The following NHEJ1 variants were observed in gnomAD, a reference collection of about 807,000 sequenced individuals.
The protein encoded by NHEJ1 is non-homologous end joining factor 1, also known as non-homologous end-joining factor 1.
A neutral mutation model predicts 39.4 loss-of-function variants in NHEJ1; 22 were observed. The observed-to-expected ratio is 0.56, with a 90% CI of 0.40 to 0.80. The LOEUF (loss-of-function observed/expected upper bound fraction) is 0.80, where lower values mean the gene tolerates loss of function less well. Among genes scored for constraint, NHEJ1 ranks in the 30% least tolerant of loss-of-function variants. The pLI is 0.00. For synonymous variants in NHEJ1, 154 were observed against 135.6 expected, an observed-to-expected ratio of 1.14 and a Z score of -0.94; for missense variants, 329 against 357.1, an observed-to-expected ratio of 0.92 and a Z score of 0.63.
Position 219,077,317 on chromosome 2 carries a change from G to C in NHEJ1, c.754C>G (p.Gln252Glu). 6.2e-7 allele frequency: 1 copy of C among 1,614,056 alleles called. No homozygotes were observed. The stretch of plus-strand genomic sequence containing the variant: ...AGTTGTTCTGGCTGGTTTACACATT[G>C]GCTATCGATTCCTTGCAGGGAAGCA... ...NSASLQGIDS[Q>E]CVNQPEQLVS... is the part of the protein sequence containing the mutation. The change falls in exon 7 of 8, where the codon CAA (glutamine) becomes GAA (glutamate). Residue 252 changes from glutamine to glutamate, a missense_variant. Gln to Glu is a conservative substitution (Grantham distance 29). Transcript: ENST00000356853.
rs774156705 is a variant in NHEJ1 at position 219,092,066 on chromosome 2, G to A, written c.589-13860C>T. Among the ~76,000 whole-genome samples the A allele has an allele frequency of 2.0e-5, 3 of 152,292 alleles. 1 individual carries two copies. The South Asian group carries it at 6.2e-4, about 32-fold the overall frequency. On this transcript the variant is annotated intron_variant, in intron 5 of 7. Transcript: ENST00000356853. ...GTTCAGTTCTATGATACAGGTCTAT[G>A]TACAGTCTGCTTTGAGAGAAGAGCA... is the stretch of plus-strand genomic sequence containing the variant.
chr2:219,136,913 T>C (rs902231977), intron 5 of NHEJ1, among the ~76,000 whole-genome samples: 2 of 152,148 alleles, frequency 1.3e-5, no homozygotes, highest in Non-Finnish European at 2.9e-5. Context: ...CCATTTGTAT[T>C]TTCTATATTG....
intron 5 of NHEJ1, among the ~76,000 whole-genome samples, chr2:219,127,765 C>G (rs1949538857): frequency 6.6e-6 from 1 of 152,172 alleles, no homozygotes; most frequent in Admixed American, 6.5e-5. Context: ...AACATTCATT[C>G]CTTTTCTTTC....
At chr2:219,087,038 C>A (rs1949118301) in intron 5 of NHEJ1, among the ~76,000 whole-genome samples, 1 of 152,128 alleles carries the variant, frequency 6.6e-6, no homozygotes, top group Non-Finnish European at 1.5e-5. Flanking sequence ...ATCCTCAGAG[C>A]CCCTCAGAAA....
chr2:219,087,046 A>G (rs1949118358), intron 5 of NHEJ1, among the ~76,000 whole-genome samples: 2 of 152,110 alleles, frequency 1.3e-5, no homozygotes, highest in Non-Finnish European at 1.5e-5. Flanking sequence ...AGCCCCTCAG[A>G]AAGTGTAGGA....
intron 1 of NHEJ1, among the ~76,000 whole-genome samples, chr2:219,160,140 G>C (rs1280679048): frequency 6.6e-6 from 1 of 152,160 alleles, no homozygotes; most frequent in Non-Finnish European, 1.5e-5. Flanking sequence ...CTCTTGAGTG[G>C]AGGGGCGCTG....
At chr2:219,100,223 T>C (rs1401127610) in intron 5 of NHEJ1, among the ~76,000 whole-genome samples, 1 of 152,108 alleles carries the variant, frequency 6.6e-6, no homozygotes, top group Non-Finnish European at 1.5e-5. Flanking sequence ...AGCTTTAATA[T>C]GAGGAAGTCG....
At chr2:219,153,699 G>GA (rs55636702) in intron 3 of NHEJ1, among the ~76,000 whole-genome samples, 2 of 129,576 alleles carry the variant, frequency 1.5e-5, no homozygotes, top group Admixed American at 7.5e-5. Flanking sequence ...AAAAGGGGGG[G>GA]GGGGTGGAGA....
chr2:219,109,238 A>G (rs920417093), intron 5 of NHEJ1, among the ~76,000 whole-genome samples: 1 of 152,190 alleles, frequency 6.6e-6, no homozygotes, highest in African/African-American at 2.4e-5. Context: ...ATAATATGCC[A>G]GGGATTCTGG....
intron 5 of NHEJ1, among the ~76,000 whole-genome samples, chr2:219,122,527 T>C (rs1949481412): frequency 6.6e-6 from 1 of 152,236 alleles, no homozygotes; most frequent in Non-Finnish European, 1.5e-5. Context: ...ATTCAATAAA[T>C]GCTGGATAAG....
intron 5 of NHEJ1, among the ~76,000 whole-genome samples, chr2:219,083,529 T>C (rs973314300): frequency 6.6e-6 from 1 of 151,974 alleles, no homozygotes; most frequent in Admixed American, 6.5e-5. Flanking sequence ...AGATGTGGAT[T>C]TGTACCTAAG....
chr2:219,100,759 C>G (rs1949249699), intron 5 of NHEJ1, among the ~76,000 whole-genome samples: 1 of 152,166 alleles, frequency 6.6e-6, no homozygotes, highest in South Asian at 2.1e-4. Context: ...GGAAAGTAAT[C>G]TGGACCCACG....
At position 219,086,120 on chromosome 2, in the gene NHEJ1, T is replaced by C. The variant is rs1036105338; in HGVS notation, c.589-7914A>G. 2.0e-5 allele frequency among the ~76,000 whole-genome samples: 3 copies of C among 152,242 alleles called. No individual in the cohort carries two copies. The East Asian group carries it at 5.8e-4, about 29-fold the overall frequency. On this transcript the variant is annotated intron_variant, in intron 5 of 7. Coordinates refer to ENST00000356853, the MANE Select transcript of NHEJ1 (RefSeq NM_024782.3). ...GCTTTCTATGTGCTAGGTACTAGGC[T>C]ATGCATTTTGACACATTACTGCAAT...
At chr2:219,146,353 A>T (rs1949740484) in intron 5 of NHEJ1, among the ~76,000 whole-genome samples, 1 of 152,158 alleles carries the variant, frequency 6.6e-6, no homozygotes, top group South Asian at 2.1e-4. Flanking sequence ...AGACCTTACG[A>T]CCAGATCTCA....
chr2:219,159,536 TGC>T lies in NHEJ1; in HGVS notation c.1-1176_1-1175del, dbSNP rs1177376604. 1.9e-3 allele frequency among the ~76,000 whole-genome samples: 149 copies of T among 79,754 alleles called. 6 individuals are homozygous for T. The highest frequency in any genetic ancestry group is 4.7e-3 in the South Asian group (12 of 2,580). 52.3% of individuals were successfully genotyped at this position (79,754 alleles called of 152,430 possible). A position where few individuals can be genotyped will look rare whatever the true frequency, so the allele number is the denominator to read the frequency against. The stretch of plus-strand genomic sequence containing the variant: ...CTTTATATATATATGCATATATATA[TGC>T]ATATATATATATGCATATATATATG... On this transcript the variant is annotated intron_variant, in intron 1 of 7. Transcript: ENST00000356853.
At position 219,146,853 on chromosome 2, in the gene NHEJ1, C is replaced by CAG. The variant is rs1017067815; in HGVS notation, c.530-117_530-116dup. The CAG allele has an allele frequency of 5.0e-6, 4 of 796,560 alleles. No individual in the cohort carries two copies. In the African/African-American group the frequency reaches 5.1e-5, roughly 10 times the overall value. 49.3% of individuals were successfully genotyped at this position (796,560 alleles called of 1,614,324 possible). A position where few individuals can be genotyped will look rare whatever the true frequency, so the allele number is the denominator to read the frequency against. On this transcript the variant is annotated intron_variant, in intron 4 of 7. Coordinates refer to ENST00000356853, the MANE Select transcript of NHEJ1 (RefSeq NM_024782.3). ...GGAAAGAGGAGGAAGGTGCATCATG[C>CAG]AGAGACACCTAGTTCAGTGGGAGAA...
chr2:219,102,993 A>C (rs747026729), intron 5 of NHEJ1, among the ~76,000 whole-genome samples: 25 of 115,286 alleles, frequency 2.2e-4, no homozygotes, highest in Non-Finnish European at 3.1e-4. Context: ...CGACAGAGCG[A>C]GACTCCGTCT....
At chr2:219,098,862 T>G (rs532769110) in intron 5 of NHEJ1, among the ~76,000 whole-genome samples, 1 of 152,322 alleles carries the variant, frequency 6.6e-6, no homozygotes, top group South Asian at 2.1e-4. Context: ...CTGACTACAT[T>G]TGACTGCATA....
intron 3 of NHEJ1, among the ~76,000 whole-genome samples, chr2:219,149,780 T>C (rs1466925945): frequency 6.6e-6 from 1 of 152,214 alleles, no homozygotes; most frequent in African/African-American, 2.4e-5. Context: ...AAGGGCCAGA[T>C]AGTTAACATT....
Sources: gnomAD v4.1 joint callset for allele counts (sites outside exome capture counted in the v4.1 genomes callset) on GRCh38, gnomAD v4.1.1 for gene constraint, MANE v1.5 for transcripts, NCBI Gene and HGNC (gene_info 2026-07-23, HGNC 2026-07-21) for gene names.